Variants in TIA1 observed in about 807,000 individuals in gnomAD.
TIA1 encodes cytotoxic granule associated RNA binding protein TIA1.
In TIA1, 23 loss-of-function variants were observed where a neutral mutation model predicts 65.9. The observed-to-expected ratio is 0.35, with a 90% CI of 0.25 to 0.49. TIA1 has a LOEUF of 0.49. Ranked by LOEUF, TIA1 falls within the 20% of genes least tolerant of loss-of-function variation. TIA1 has a pLI of 0.98. For missense variants in TIA1, 371 were observed against 477.9 expected (o/e 0.78, Z 2.09); for synonymous variants, 147 against 149.4 (o/e 0.98, Z 0.12).
intron 1 of TIA1, among the ~76,000 whole-genome samples, chr2:70,243,931 T>G (rs1312949447): frequency 6.6e-6 from 1 of 152,180 alleles, no homozygotes; most frequent in African/African-American, 2.4e-5. Flanking sequence ...CTTTTGCCAG[T>G]TTTAAGGTTA....
chr2:70,236,058 A>T, intron 2 of TIA1, 21 bp downstream of exon 2: 1 of 1,442,154 alleles, frequency 6.9e-7, no homozygotes, highest in Non-Finnish European at 9.6e-7. Flanking sequence ...GAATAAAGTT[A>T]ACTAAGTAAA....
At chr2:70,215,660 T>G (rs2289920) in intron 10 of TIA1, 166 bp from the exon 11 acceptor site, 1 of 613,588 alleles carries the variant, frequency 1.6e-6, no homozygotes, top group South Asian at 2.2e-5. Context: ...GGGCAACTTG[T>G]GTTAACAAAG....
intron 1 of TIA1, among the ~76,000 whole-genome samples, chr2:70,239,205 G>T (rs1261394775): frequency 6.6e-6 from 1 of 152,106 alleles, no homozygotes; most frequent in Non-Finnish European, 1.5e-5. Context: ...CCATTCTCCT[G>T]CCTCAGCCTC....
chr2:70,217,952 A>C (rs1679404097), intron 7 of TIA1, among the ~76,000 whole-genome samples: 1 of 152,250 alleles, frequency 6.6e-6, no homozygotes, highest in Non-Finnish European at 1.5e-5. Flanking sequence ...CAAGCTTGTT[A>C]ACAATATTTG....
intron 4 of TIA1, 37 bp from the exon 5 acceptor site, chr2:70,229,128 A>G: frequency 6.2e-7 from 1 of 1,611,944 alleles, no homozygotes; most frequent in Non-Finnish European, 8.5e-7. Flanking sequence ...TAAATTTATT[A>G]ACACAAACAC....
Position 70,216,476 on chromosome 2 carries a change from C to T in TIA1, c.607G>A (p.Asp203Asn). The T allele has an allele frequency of 6.2e-7, 1 of 1,613,766 alleles. No individual in the cohort carries two copies. The highest frequency in any genetic ancestry group is 1.1e-5 in the South Asian group (1 of 90,972). ...GGACTAGACTGATTTACAACCTCAT[C>T]ATATGATAGCTGTTTGGTATTTGCT... ...YESNTKQLSY[D>N]EVVNQSSPSN... Residue 203 changes from aspartate to asparagine, a missense_variant, in exon 9 of 13, where the codon GAT (aspartate) becomes AAT (asparagine). Transcript: ENST00000433529.
intron 1 of TIA1, among the ~76,000 whole-genome samples, chr2:70,237,848 G>A (rs779683068): frequency 7.4e-5 from 11 of 149,208 alleles, no homozygotes; most frequent in Non-Finnish European, 1.3e-4. Context: ...CCTGGGTGAC[G>A]GAGCAAGACT....
chr2:70,246,948 T>C (rs1397766358), intron 1 of TIA1, among the ~76,000 whole-genome samples: 3 of 152,184 alleles, frequency 2.0e-5, no homozygotes, highest in Admixed American at 6.5e-5. Flanking sequence ...AGTGGTCAGA[T>C]ACTTCTGCAG....
Position 70,240,136 on chromosome 2 carries a change from A to C in TIA1, c.27-3961T>G, listed in dbSNP as rs28435538. 8.8e-3 allele frequency among the ~76,000 whole-genome samples: 1,346 copies of C among 152,328 alleles called. 27 individuals are homozygous for C. The highest frequency in any genetic ancestry group is 0.03 in the African/African-American group (1,257 of 41,570). On this transcript the variant is annotated intron_variant, in intron 1 of 12. Transcript: ENST00000433529. ...AATTGCAAAGGGAAAACCTTACCTTAAAAATGAGAGCTTTGGCTGTTACCA... is the reference window on the plus strand; with the variant it reads ...AATTGCAAAGGGAAAACCTTACCTTCAAAATGAGAGCTTTGGCTGTTACCA...
rs141867120 is a variant in TIA1, at chr2:70,238,249, C to T, written c.27-2074G>A. ...GTATTACTACTACTAAGAACATTGA[C>T]GTTCCCCCAAGTTTTTTTTTTTTTT... On this transcript the variant is annotated intron_variant, in intron 1 of 12. Coordinates refer to ENST00000433529, the MANE Select transcript of TIA1 (RefSeq NM_022173.4). Among the ~76,000 whole-genome samples, 507 of 147,184 alleles carry T rather than the reference C, an allele frequency of 3.4e-3. 3 individuals are homozygous for T. Among genetic ancestry groups the T allele is most frequent in the African/African-American group, 0.012 (483 of 39,728 alleles).
chr2:70,230,682 T>A, intron 3 of TIA1, 74 bp downstream of exon 3: 1 of 1,216,268 alleles, frequency 8.2e-7, no homozygotes, highest in Non-Finnish European at 1.2e-6. Flanking sequence ...TTAATGTTTC[T>A]AAAAAGGAAA....
At chr2:70,233,201 G>A (rs1687294864) in intron 2 of TIA1, among the ~76,000 whole-genome samples, 1 of 152,032 alleles carries the variant, frequency 6.6e-6, no homozygotes, top group Admixed American at 6.6e-5. Context: ...AAATTCCTGG[G>A]CTCAAGTGAT....
chr2:70,222,594 T>C (rs1373287332), intron 7 of TIA1, among the ~76,000 whole-genome samples: 1 of 152,238 alleles, frequency 6.6e-6, no homozygotes, highest in African/African-American at 2.4e-5. Flanking sequence ...TTTATAGATT[T>C]AAATTTATAG....
intron 6 of TIA1, among the ~76,000 whole-genome samples, chr2:70,227,478 T>C (rs1200322501): frequency 6.6e-6 from 1 of 152,132 alleles, no homozygotes; most frequent in Admixed American, 6.6e-5. Context: ...AAGTAAAACA[T>C]GTACAATGGC....
Position 70,248,516 on chromosome 2 carries a change from G to A in TIA1, c.-86C>T, listed in dbSNP as rs774856834. On this transcript the variant is annotated 5_prime_UTR_variant, in exon 1 of 13. Coordinates refer to ENST00000433529, the MANE Select transcript of TIA1 (RefSeq NM_022173.4). ...ATCGTTTAAGCGGTTATGGCTACAG[G>A]ATAGTGGGGTTTCTCGGCTGACCAG... is the stretch of plus-strand genomic sequence containing the variant. 4.4e-6 allele frequency: 7 copies of A among 1,590,428 alleles called. No individual in the cohort carries two copies. The highest frequency in any genetic ancestry group is 6.0e-6 in the Non-Finnish European group (7 of 1,172,750).
chr2:70,241,171 G>A (rs1448419509), intron 1 of TIA1, among the ~76,000 whole-genome samples: 1 of 152,184 alleles, frequency 6.6e-6, no homozygotes. Context: ...TTTGGGACAG[G>A]TGCGGTGGCT....
intron 10 of TIA1, chr2:70,215,700 G>A: frequency 2.0e-6 from 1 of 504,000 alleles, no homozygotes; most frequent in Non-Finnish European, 3.5e-6. Flanking sequence ...TTGTGTTAGG[G>A]AGGGAGCTAT....
At position 70,209,460 on chromosome 2, in the gene TIA1, T is replaced by A. The variant is rs922801189; in HGVS notation, c.*3259A>T. 31 of 397,160 alleles carry A rather than the reference T, an allele frequency of 7.8e-5. No individual in the cohort carries two copies. The highest frequency in any genetic ancestry group is 5.8e-5 in the Non-Finnish European group (13 of 225,768). 24.6% of individuals were successfully genotyped at this position (397,160 alleles called of 1,614,324 possible). ...AAAAACCTATTCAATTGAGACACAC[T>A]CACACATTTTATTAAGGCTCTTAAA... On this transcript the variant is annotated 3_prime_UTR_variant, in exon 13 of 13. Transcript: ENST00000433529.
chr2:70,236,135 T>G lies in TIA1; in HGVS notation c.67A>C (p.Ile23Leu). The stretch of plus-strand genomic sequence containing the variant: ...CCAATCTGGCTAAAGAGTTGCAGAA[T>G]TAGAGCTTCTGTCACATCTCTGGAA... ...NLSRDVTEAL[I>L]LQLFSQIGPC... is the part of the protein sequence containing the mutation. Residue 23 changes from isoleucine (I) to leucine (L), a missense_variant, in exon 2 of 13, where the codon ATT becomes CTT. Coordinates refer to ENST00000433529, the MANE Select transcript of TIA1 (RefSeq NM_022173.4). 6.2e-7 allele frequency: 1 copy of G among 1,613,086 alleles called. No individual in the cohort carries two copies. Among genetic ancestry groups the G allele is most frequent in the Non-Finnish European group, 8.5e-7 (1 of 1,179,400 alleles).
Sources: gnomAD v4.1 joint callset for allele counts (sites outside exome capture counted in the v4.1 genomes callset) on GRCh38, gnomAD v4.1.1 for gene constraint, MANE v1.5 for transcripts, NCBI Gene and HGNC (gene_info 2026-07-23, HGNC 2026-07-21) for gene names.